UGT2B17: variants seen among roughly 807,000 people sequenced by gnomAD.
UGT2B17 encodes UDP-glucuronosyltransferase 2B17.
In UGT2B17, 21 loss-of-function variants were observed where a neutral mutation model predicts 48.2. That is an observed-to-expected ratio of 0.44 (90% CI 0.31 to 0.63). The LOEUF is 0.63. UGT2B17 is among the 20% of genes least tolerant of loss of function. UGT2B17 has a pLI of 0.08. For missense variants in UGT2B17, 402 were observed against 696.1 expected (o/e 0.58, Z 4.75); for synonymous variants, 146 against 238.4 (o/e 0.61, Z 3.57).
rs559482315 is a variant in UGT2B17 at position 68,574,111 on chromosome 4, A to G, written c.-65+1840T>C. 7.9e-5 allele frequency among the ~76,000 whole-genome samples: 10 copies of G among 126,956 alleles called. 3 individuals are homozygous for G. The Admixed American group carries it at 8.0e-4, about 10-fold the overall frequency. 83.3% of individuals were successfully genotyped at this position (126,956 alleles called of 152,430 possible). ...GTTTATTGTGTAGTTGGAATATTTG[A>G]TCCATTTCAACCAGGCATTTGTAGC... On this transcript the variant is annotated intron_variant, in intron 1 of 6. Transcript: ENST00000317746.
Position 68,568,416 on chromosome 4 carries a change from A to G in UGT2B17, c.69T>C (p.Cys23=), listed in dbSNP as rs1356298796. The part of the protein sequence containing the change: ...QLSCYFSSGS[C]GKVLVWPTEY... ...CTGTGGGCCACACCAGCACCTTTCC[A>G]CAACTCCCAGAGCTAAAGTAACAAC... The change falls in exon 2 of 7, where the codon TGT becomes TGC. Residue 23 remains cysteine (C), a synonymous_variant. Coordinates refer to ENST00000317746, the MANE Select transcript of UGT2B17 (RefSeq NM_001077.4). The G allele has an allele frequency of 2.2e-6, 3 of 1,371,062 alleles. No individual in the cohort carries two copies. The African/African-American group carries it at 4.5e-5, about 20-fold the overall frequency. 84.9% of individuals were successfully genotyped at this position (1,371,062 alleles called of 1,614,324 possible). A position where few individuals can be genotyped will look rare whatever the true frequency, so the allele number is the denominator to read the frequency against.
In UGT2B17 at chr4:68,570,800, G is replaced by A. The variant is rs563543794; in HGVS notation, c.-64-2252C>T. Reference sequence around the variant, plus strand: ...ATTATAAGAGTTTTAAATTTTTCTAGTGCTGGGAACCACTTTCTAAACATG... The same window carrying A: ...ATTATAAGAGTTTTAAATTTTTCTAATGCTGGGAACCACTTTCTAAACATG... On this transcript the variant is annotated intron_variant, in intron 1 of 6. Coordinates refer to ENST00000317746, the MANE Select transcript of UGT2B17 (RefSeq NM_001077.4). Among the ~76,000 whole-genome samples the A allele has an allele frequency of 5.1e-3, 648 of 126,378 alleles. 151 individuals are homozygous for A. The highest frequency in any genetic ancestry group is 7.9e-3 in the Middle Eastern group (2 of 254). The allele number at this position is 126,378 out of a possible 152,430, so 82.9% of individuals were successfully genotyped here.
In UGT2B17 at chr4:68,571,693, T is replaced by C. The variant is rs1019290178; in HGVS notation, c.-64-3145A>G. 1.6e-5 allele frequency among the ~76,000 whole-genome samples: 2 copies of C among 126,392 alleles called. 1 individual carries two copies. The allele number at this position is 126,392 out of a possible 152,430, so 82.9% of individuals were successfully genotyped here. ...CAGGAAATGGGTCTGTAGGAACTAA[T>C]TCTTGGGCTTCCTATGGCCATTGAT... is the stretch of plus-strand genomic sequence containing the variant. On this transcript the variant is annotated intron_variant, in intron 1 of 6. Coordinates refer to ENST00000317746, the MANE Select transcript of UGT2B17 (RefSeq NM_001077.4).
rs530365013 is a variant in UGT2B17 at position 68,546,588 on chromosome 4, G to A, written c.1313+4089C>T. Among the ~76,000 whole-genome samples the A allele has an allele frequency of 3.3e-4, 42 of 125,518 alleles. 14 individuals carry two copies. The South Asian group carries it at 9.8e-3, about 29-fold the overall frequency. 82.3% of individuals were successfully genotyped at this position (125,518 alleles called of 152,430 possible). The stretch of plus-strand genomic sequence containing the variant: ...ATGTTCTGGCCAGGAGAATAAGGCA[G>A]GATAAGGAAATACAGGGTATTCAAT... On this transcript the variant is annotated intron_variant, in intron 6 of 6. Coordinates refer to ENST00000317746, the MANE Select transcript of UGT2B17 (RefSeq NM_001077.4).
chr4:68,556,311 GT>G (rs1173010858), intron 4 of UGT2B17, among the ~76,000 whole-genome samples: 1 of 120,538 alleles, frequency 8.3e-6, no homozygotes, highest in African/African-American at 2.8e-5. Context: ...GCATCTCACT[GT>G]TTTTGGTTTT....
In UGT2B17 at chr4:68,548,338, C is replaced by T. The variant is rs1417757452; in HGVS notation, c.1313+2339G>A. 3.2e-5 allele frequency among the ~76,000 whole-genome samples: 4 copies of T among 125,382 alleles called. 1 individual carries two copies. The highest frequency in any genetic ancestry group is 1.1e-4 in the African/African-American group (4 of 36,648). 82.3% of individuals were successfully genotyped at this position (125,382 alleles called of 152,430 possible). On this transcript the variant is annotated intron_variant, in intron 6 of 6. Coordinates refer to ENST00000317746, the MANE Select transcript of UGT2B17 (RefSeq NM_001077.4). ...ACTATCGCAAGGACAAAAAACCAAA[C>T]ACCGCATGTTCTCACTCATAGGTGG...
chr4:68,537,319 T>A lies in UGT2B17; in HGVS notation c.*306A>T, dbSNP rs1236693615. 9.3e-5 allele frequency: 15 copies of A among 160,640 alleles called. 6 individuals carry two copies. Among genetic ancestry groups the A allele is most frequent in the Admixed American group, 6.9e-4 (10 of 14,462 alleles). 10.0% of individuals were successfully genotyped at this position (160,640 alleles called of 1,614,324 possible). ...GTTAATGTTTTGTGTTCAAATACAATGTGTGAAACATAAGGAAGCTCAGTA... is the reference window on the plus strand; with the variant it reads ...GTTAATGTTTTGTGTTCAAATACAAAGTGTGAAACATAAGGAAGCTCAGTA... On this transcript the variant is annotated 3_prime_UTR_variant, in exon 7 of 7. Transcript: ENST00000317746.
At chr4:68,573,365 A>T (rs1465871632) in intron 1 of UGT2B17, among the ~76,000 whole-genome samples, 1 of 121,854 alleles carries the variant, frequency 8.2e-6, no homozygotes, top group Non-Finnish European at 1.7e-5. Flanking sequence ...TGGGGCCGAC[A>T]TGAGTTTTTT....
chr4:68,562,675 T>C (rs971211003), intron 3 of UGT2B17, among the ~76,000 whole-genome samples: 2 of 126,410 alleles, frequency 1.6e-5, no homozygotes, highest in African/African-American at 5.4e-5. Context: ...ATGTAAGTAG[T>C]CTTGTAAAAG....
At chr4:68,571,296 A>G (rs1731294701) in intron 1 of UGT2B17, among the ~76,000 whole-genome samples, 1 of 125,442 alleles carries the variant, frequency 8.0e-6, no homozygotes. Context: ...TATGGGCAGT[A>G]AGAAGAAAGA....
rs1197056814 is a variant in UGT2B17, at chr4:68,558,263, G to A, written c.1005+2274C>T. Among the ~76,000 whole-genome samples the A allele has an allele frequency of 2.4e-5, 3 of 124,246 alleles. 1 individual carries two copies. Among genetic ancestry groups the A allele is most frequent in the African/African-American group, 8.2e-5 (3 of 36,574 alleles). The allele number at this position is 124,246 out of a possible 152,430, so 81.5% of individuals were successfully genotyped here. A position where few individuals can be genotyped will look rare whatever the true frequency, so the allele number is the denominator to read the frequency against. On this transcript the variant is annotated intron_variant, in intron 4 of 6. Transcript: ENST00000317746. ...TTGTTAGATTCTAGTCTTGCCTAAT[G>A]TTTTTCAATTTTTATTACTGTCTAC... is the stretch of plus-strand genomic sequence containing the variant.
Position 68,551,853 on chromosome 4 carries a change from T to C in UGT2B17, c.1064A>G (p.Tyr355Cys). 2 of 1,365,174 alleles carry C rather than the reference T, an allele frequency of 1.5e-6. No homozygotes were observed. The highest frequency in any genetic ancestry group is 2.2e-4 in the Middle Eastern group (1 of 4,538). 84.6% of individuals were successfully genotyped at this position (1,365,174 alleles called of 1,614,324 possible). ...AAGGTCATTCTGGGGTAACCACTTA[T>C]ACAGTCGAGTATTGGAACCTAAAGT... ...PNTLGSNTRL[Y>C]KWLPQNDLLG... Residue 355 changes from tyrosine to cysteine, a missense_variant, in exon 5 of 7, where the codon TAT becomes TGT. Around this residue, in one of 5 missense-constraint regions of UGT2B17, gnomAD observed 156 missense variants for 258.6 expected, o/e 0.60. Transcript: ENST00000317746.
chr4:68,570,559 C>T (rs1316489826), intron 1 of UGT2B17, among the ~76,000 whole-genome samples: 3 of 125,748 alleles, frequency 2.4e-5, no homozygotes, highest in Non-Finnish European at 3.4e-5. Flanking sequence ...TCCTTCATTC[C>T]CCCCTTTTGA....
chr4:68,569,894 G>A (rs1731272632), intron 1 of UGT2B17, among the ~76,000 whole-genome samples: 1 of 126,424 alleles, frequency 7.9e-6, no homozygotes, highest in African/African-American at 2.7e-5. Context: ...GCACTGCCTC[G>A]TGTTGTCTGT....
chr4:68,551,484 G>A (rs1316432921), intron 5 of UGT2B17, among the ~76,000 whole-genome samples: 3 of 124,136 alleles, frequency 2.4e-5, no homozygotes, highest in Non-Finnish European at 5.1e-5. Context: ...TTCAGTACCT[G>A]TTGAAATAAC....
Position 68,569,219 on chromosome 4 carries a change from A to G in UGT2B17, c.-64-671T>C, listed in dbSNP as rs1476040283. ...AGGACAGACCAGCAATTCTGAGAGG[A>G]TCCACACACCCTCTGCAGGAAGCGT... On this transcript the variant is annotated intron_variant, in intron 1 of 6. Coordinates refer to ENST00000317746, the MANE Select transcript of UGT2B17 (RefSeq NM_001077.4). Among the ~76,000 whole-genome samples, 4 of 127,586 alleles carry G rather than the reference A, an allele frequency of 3.1e-5. 1 individual carries two copies. Among genetic ancestry groups the G allele is most frequent in the Non-Finnish European group, 6.7e-5 (4 of 59,862 alleles). The allele number at this position is 127,586 out of a possible 152,430, so 83.7% of individuals were successfully genotyped here.
intron 1 of UGT2B17, 63 bp from the exon 2 acceptor site, chr4:68,568,611 T>A: frequency 1.8e-6 from 2 of 1,081,894 alleles, no homozygotes; most frequent in Non-Finnish European, 2.3e-6. Flanking sequence ...TCATATTTAT[T>A]TTAGTGTGTT....
chr4:68,547,979 G>A (rs1232089152), intron 6 of UGT2B17, among the ~76,000 whole-genome samples: 2 of 126,604 alleles, frequency 1.6e-5, no homozygotes, highest in Non-Finnish European at 3.4e-5. Context: ...CTGTTGGTGG[G>A]ACTGTAAACT....
Position 68,551,812 on chromosome 4 carries a change from C to A in UGT2B17, c.1093+12G>T. ...TACTAATATATTCAGTATTTGTTCT[C>A]CAGAGTCTTACCAAGAAGGTCATTC... On this transcript the variant is annotated intron_variant, in intron 5 of 6. Coordinates refer to ENST00000317746, the MANE Select transcript of UGT2B17 (RefSeq NM_001077.4). 1.5e-6 allele frequency: 2 copies of A among 1,295,632 alleles called. No individual in the cohort carries two copies. The highest frequency in any genetic ancestry group is 2.0e-6 in the Non-Finnish European group (2 of 990,898). 80.3% of individuals were successfully genotyped at this position (1,295,632 alleles called of 1,614,324 possible). A position where few individuals can be genotyped will look rare whatever the true frequency, so the allele number is the denominator to read the frequency against.
Sources: allele counts gnomAD v4.1 joint callset (sites outside exome capture counted in the v4.1 genomes callset), GRCh38; gene constraint gnomAD v4.1.1; regional missense constraint gnomAD v4.1.1; transcripts MANE v1.5; gene names NCBI Gene and HGNC (gene_info 2026-07-23, HGNC 2026-07-21).